Variants in CCDC15 observed in about 807,000 individuals in gnomAD.
CCDC15 encodes the protein coiled-coil domain-containing protein 15.
In CCDC15, 105 loss-of-function variants were observed where a neutral mutation model predicts 114.5. That is an observed-to-expected ratio of 0.92 (90% CI 0.78 to 1.08). The LOEUF is 1.08. CCDC15 is among the 50% of genes least tolerant of loss of function. CCDC15 has a pLI of 0.00. For synonymous variants in CCDC15, 334 were observed against 377.8 expected (o/e 0.88, Z 1.34); for missense variants, 1,105 against 1,093.6 (o/e 1.01, Z -0.15).
At chr11:125,026,792 G>A (rs2135539043) in intron 13 of CCDC15, among the ~76,000 whole-genome samples, 1 of 152,044 alleles carries the variant, frequency 6.6e-6, no homozygotes, top group Non-Finnish European at 1.5e-5. Flanking sequence ...TGGTTACATG[G>A]ATAAATTCTT....
intron 11 of CCDC15, among the ~76,000 whole-genome samples, chr11:125,001,725 C>G (rs1274778022): frequency 6.6e-6 from 1 of 152,234 alleles, no homozygotes; most frequent in Non-Finnish European, 1.5e-5. Context: ...TAGCATATAG[C>G]AGTACTTTGT....
chr11:124,958,123 C>T (rs1239065592), intron 2 of CCDC15, among the ~76,000 whole-genome samples: 1 of 152,172 alleles, frequency 6.6e-6, no homozygotes, highest in Non-Finnish European at 1.5e-5. Context: ...AGTTAAAATA[C>T]TTGTCACCTG....
At chr11:125,012,371 T>A (rs193062881) in intron 13 of CCDC15, among the ~76,000 whole-genome samples, 33 of 152,348 alleles carry the variant, frequency 2.2e-4, no homozygotes, top group Non-Finnish European at 4.3e-4. Flanking sequence ...AGAAAACATT[T>A]ATTTTTTATC....
intron 4 of CCDC15, among the ~76,000 whole-genome samples, chr11:124,963,152 T>TA (rs1947704612): frequency 6.6e-6 from 1 of 152,256 alleles, no homozygotes; most frequent in Non-Finnish European, 1.5e-5. Flanking sequence ...TTTGGGTATA[T>TA]ACCAAGTAAT....
chr11:124,958,079 C>T (rs1190363107), intron 2 of CCDC15, among the ~76,000 whole-genome samples: 1 of 152,098 alleles, frequency 6.6e-6, no homozygotes, highest in Non-Finnish European at 1.5e-5. Context: ...TACCTACTGC[C>T]AAAGGTGGTT....
Position 124,988,032 on chromosome 11 carries a change from A to G in CCDC15, c.1806A>G (p.Ile602Met), listed in dbSNP as rs1414404755. The part of the protein sequence containing the change: ...YLPKDQNILP[I>M]CQDRDFLPRD... ...CTAAAGACCAAAATATTCTACCCATATGTCAGGACCGGGATTTTCTACCCA... is the reference window on the plus strand; with the variant it reads ...CTAAAGACCAAAATATTCTACCCATGTGTCAGGACCGGGATTTTCTACCCA... The change falls in exon 8 of 16, where the codon ATA becomes ATG. Residue 602 changes from isoleucine (I) to methionine (M), a missense_variant. Coordinates refer to ENST00000344762, the MANE Select transcript of CCDC15 (RefSeq NM_025004.3). The G allele has an allele frequency of 1.9e-6, 3 of 1,613,756 alleles. No individual in the cohort carries two copies. Among genetic ancestry groups the G allele is most frequent in the Non-Finnish European group, 2.5e-6 (3 of 1,179,776 alleles).
At position 124,959,844 on chromosome 11, in the gene CCDC15, G is replaced by A; in HGVS notation, c.357G>A (p.Gln119=). The A allele has an allele frequency of 1.9e-6, 3 of 1,602,744 alleles. No individual in the cohort carries two copies. The highest frequency in any genetic ancestry group is 2.6e-6 in the Non-Finnish European group (3 of 1,173,968). ...RAQKEGSIAM[Q]SSATHLTSKR... ...AAAAAGAAGGCTCCATAGCCATGCA[G>A]TCTTCAGCAACACACTTAACTTCCA... Residue 119 remains glutamine, a synonymous_variant, in exon 4 of 16, where the codon CAG becomes CAA. Transcript: ENST00000344762.
At chr11:125,003,773 T>A (rs1453486299) in intron 11 of CCDC15, 94 bp from the exon 12 acceptor site, 1 of 674,578 alleles carries the variant, frequency 1.5e-6, no homozygotes, top group Non-Finnish European at 2.5e-6. Context: ...GAGCCCAAGT[T>A]TGCAAAAGAA....
intron 13 of CCDC15, among the ~76,000 whole-genome samples, chr11:125,025,089 T>TATATATGA: frequency 1.3e-5 from 1 of 77,546 alleles, no homozygotes; most frequent in Non-Finnish European, 2.7e-5. Flanking sequence ...TATATGAATA[T>TATATATGA]ATATATGAAT....
At chr11:124,990,184 G>A (rs897763925) in intron 8 of CCDC15, among the ~76,000 whole-genome samples, 2 of 152,320 alleles carry the variant, frequency 1.3e-5, no homozygotes, top group African/African-American at 4.8e-5. Context: ...TTGTGTCTCA[G>A]TGAATAGGGA....
intron 13 of CCDC15, among the ~76,000 whole-genome samples, chr11:125,015,080 A>G (rs1406007690): frequency 6.6e-6 from 1 of 152,168 alleles, no homozygotes; most frequent in Non-Finnish European, 1.5e-5. Flanking sequence ...AAGATAAATC[A>G]TATTAAAACT....
chr11:124,973,785 A>G lies in CCDC15; in HGVS notation c.517-1311A>G, dbSNP rs551147714. Among the ~76,000 whole-genome samples, 13 of 151,888 alleles carry G rather than the reference A, an allele frequency of 8.6e-5. No homozygotes were observed. The East Asian group carries it at 2.3e-3, about 27-fold the overall frequency. On this transcript the variant is annotated intron_variant, in intron 4 of 15. Coordinates refer to ENST00000344762, the MANE Select transcript of CCDC15 (RefSeq NM_025004.3). Reference sequence around the variant, plus strand: ...TAACAGACTACAGGCGTGTGCCACTACAGCAAATTTTTTTTGTATTTTCTG... The same window carrying G: ...TAACAGACTACAGGCGTGTGCCACTGCAGCAAATTTTTTTTGTATTTTCTG...
At chr11:124,978,308 T>C (rs1948009889) in intron 6 of CCDC15, among the ~76,000 whole-genome samples, 1 of 152,212 alleles carries the variant, frequency 6.6e-6, no homozygotes, top group Non-Finnish European at 1.5e-5. Context: ...TTGTTAATAG[T>C]GCTGTGATGA....
At chr11:124,966,985 G>A (rs1591573299) in intron 4 of CCDC15, among the ~76,000 whole-genome samples, 1 of 152,200 alleles carries the variant, frequency 6.6e-6, no homozygotes, top group Non-Finnish European at 1.5e-5. Context: ...CTTCTGGCTT[G>A]TAGAGTTTCT....
At chr11:124,961,172 T>G (rs1423677780) in intron 4 of CCDC15, among the ~76,000 whole-genome samples, 2 of 152,234 alleles carry the variant, frequency 1.3e-5, no homozygotes, top group Non-Finnish European at 2.9e-5. Context: ...ACACAGTCCT[T>G]GCTTTCGTGG....
At chr11:124,963,593 G>A (rs978606548) in intron 4 of CCDC15, among the ~76,000 whole-genome samples, 1 of 152,126 alleles carries the variant, frequency 6.6e-6, no homozygotes, top group African/African-American at 2.4e-5. Context: ...TCTGTAGGTT[G>A]CCTGTTCACT....
chr11:125,038,808 A>G (rs1309260885), intron 14 of CCDC15, 113 bp from the exon 15 acceptor site: 32 of 1,314,098 alleles, frequency 2.4e-5, no homozygotes, highest in Admixed American at 4.4e-5. Context: ...AGGAAATGTC[A>G]AGGCCCAGAG....
Position 125,008,172 on chromosome 11 carries a change from C to T in CCDC15, c.2411+2960C>T, listed in dbSNP as rs536963977. ...CTATCCATGACCATAGATGATCTCTCCATTTTATTTAGTTGTCCTTTGATT... is the reference window on the plus strand; with the variant it reads ...CTATCCATGACCATAGATGATCTCTTCATTTTATTTAGTTGTCCTTTGATT... On this transcript the variant is annotated intron_variant, in intron 13 of 15. Transcript: ENST00000344762. 1.9e-4 allele frequency among the ~76,000 whole-genome samples: 29 copies of T among 152,138 alleles called. No homozygotes were observed. The South Asian group carries it at 6.0e-3, about 32-fold the overall frequency.
intron 6 of CCDC15, among the ~76,000 whole-genome samples, chr11:124,980,612 G>A (rs1948056749): frequency 6.6e-6 from 1 of 152,168 alleles, no homozygotes; most frequent in South Asian, 2.1e-4. Context: ...GAGGCCAGTG[G>A]TAATGTCCCC....
Sources: gnomAD v4.1 joint callset for allele counts (sites outside exome capture counted in the v4.1 genomes callset) on GRCh38, gnomAD v4.1.1 for gene constraint, MANE v1.5 for transcripts, NCBI Gene and HGNC (gene_info 2026-07-23, HGNC 2026-07-21) for gene names.